The following SCAI variants were observed in gnomAD, a reference collection of about 807,000 sequenced individuals.
The protein encoded by SCAI is protein SCAI.
SCAI carries 24 observed loss-of-function variants against 92.2 expected under a neutral mutation model. The observed-to-expected ratio is 0.26, with a 90% CI of 0.19 to 0.37. SCAI has a LOEUF of 0.37. SCAI is among the 10% of genes least tolerant of loss of function. SCAI has a pLI of 1.00. For synonymous variants in SCAI, 261 were observed against 258.6 expected, an observed-to-expected ratio of 1.01 and a Z score of -0.09; for missense variants, 450 against 736.2, an observed-to-expected ratio of 0.61 and a Z score of 4.50.
intron 2 of SCAI, among the ~76,000 whole-genome samples, chr9:125,092,582 T>C (rs187043079): frequency 1.3e-3 from 193 of 152,338 alleles, no homozygotes; most frequent in African/African-American, 4.5e-3. Context: ...TTATCTTGAT[T>C]GAACTATGTT....
At chr9:125,075,163 T>C (rs1588200374) in intron 2 of SCAI, among the ~76,000 whole-genome samples, 3 of 152,266 alleles carry the variant, frequency 2.0e-5, no homozygotes, top group Admixed American at 2.0e-4. Context: ...GAGACGGATG[T>C]AAGGAAGCAT....
chr9:125,028,491 G>A lies in SCAI; in HGVS notation c.327-13C>T, dbSNP rs779731512. On this transcript the variant is annotated splice_polypyrimidine_tract_variant and intron_variant, in intron 4 of 17. Coordinates refer to ENST00000336505, the MANE Select transcript of SCAI (RefSeq NM_001144877.3). ...ATCCAAGACTTGTCTGTTTTATATA[G>A]GATACAAGAAAATAGAAATGAGTCT... The A allele has an allele frequency of 4.8e-6, 7 of 1,456,466 alleles. No homozygotes were observed. The East Asian group carries it at 1.3e-4, about 26-fold the overall frequency. 90.2% of individuals were successfully genotyped at this position (1,456,466 alleles called of 1,614,324 possible).
At chr9:125,074,421 T>A (rs562344150) in intron 2 of SCAI, among the ~76,000 whole-genome samples, 1 of 150,834 alleles carries the variant, frequency 6.6e-6, no homozygotes, top group African/African-American at 2.4e-5. Context: ...CATGCCTGGC[T>A]AATTATTGTA....
chr9:124,950,015 A>G lies in SCAI; in HGVS notation c.*2792T>C, dbSNP rs1424648020. 6.6e-6 allele frequency: 1 copy of G among 152,190 alleles called. No individual in the cohort carries two copies. Among genetic ancestry groups the G allele is most frequent in the Non-Finnish European group, 1.5e-5 (1 of 68,040 alleles). 9.4% of individuals were successfully genotyped at this position (152,190 alleles called of 1,614,324 possible). ...TTAAGGGGCAACATCATAAGGGTCA[A>G]TGTTGTGATTTCTAAGACCCTCATT... On this transcript the variant is annotated 3_prime_UTR_variant, in exon 18 of 18. Coordinates refer to ENST00000336505, the MANE Select transcript of SCAI (RefSeq NM_001144877.3).
chr9:124,958,994 G>GAGA (rs1831378082), intron 17 of SCAI, among the ~76,000 whole-genome samples: 1 of 150,974 alleles, frequency 6.6e-6, no homozygotes, highest in African/African-American at 2.4e-5. Context: ...ACACAAATCA[G>GAGA]AGAAGAAAAA....
chr9:124,982,731 C>G (rs931034101), intron 14 of SCAI, among the ~76,000 whole-genome samples: 5 of 151,216 alleles, frequency 3.3e-5, no homozygotes, highest in African/African-American at 4.9e-5. Context: ...GGGCTAGAAG[C>G]CTTTCTTGGG....
intron 14 of SCAI, among the ~76,000 whole-genome samples, chr9:124,992,386 CT>C (rs200478699): frequency 8.5e-4 from 123 of 144,196 alleles, no homozygotes; most frequent in Admixed American, 8.4e-4. Flanking sequence ...CTTTTCATTT[CT>C]TTTTTTTTTT....
chr9:125,062,712 A>AAAAC (rs200438090), intron 2 of SCAI, among the ~76,000 whole-genome samples: 6 of 150,668 alleles, frequency 4.0e-5, no homozygotes, highest in African/African-American at 1.5e-4. Flanking sequence ...CCAAAATTGC[A>AAAAC]AAACAAACAA....
At chr9:125,046,572 G>A (rs1196018289) in intron 3 of SCAI, among the ~76,000 whole-genome samples, 1 of 150,526 alleles carries the variant, frequency 6.6e-6, no homozygotes, top group African/African-American at 2.4e-5. Context: ...GGAGGGGCGT[G>A]AGGAACAAGA....
intron 3 of SCAI, among the ~76,000 whole-genome samples, chr9:125,045,890 C>T (rs1034589750): frequency 6.6e-6 from 1 of 151,888 alleles, no homozygotes; most frequent in Non-Finnish European, 1.5e-5. Context: ...TATACCCCTC[C>T]TGAAGAATCT....
chr9:125,043,277 G>A (rs561255344), intron 3 of SCAI, among the ~76,000 whole-genome samples: 47 of 152,246 alleles, frequency 3.1e-4, no homozygotes, highest in East Asian at 1.2e-3. Context: ...CACACTGTCC[G>A]ACTCACATAT....
intron 14 of SCAI, among the ~76,000 whole-genome samples, chr9:124,993,014 A>G (rs1832166360): frequency 6.6e-6 from 1 of 152,244 alleles, no homozygotes; most frequent in Non-Finnish European, 1.5e-5. Context: ...AATTGGGAGA[A>G]ACTAATGGAT....
intron 2 of SCAI, among the ~76,000 whole-genome samples, chr9:125,104,206 A>G (rs1834730869): frequency 6.6e-6 from 1 of 152,226 alleles, no homozygotes; most frequent in Non-Finnish European, 1.5e-5. Context: ...AGTCCAAATT[A>G]CAACAGAGCT....
At chr9:124,964,714 A>G (rs1831505790) in intron 17 of SCAI, among the ~76,000 whole-genome samples, 1 of 151,964 alleles carries the variant, frequency 6.6e-6, no homozygotes, top group African/African-American at 2.4e-5. Flanking sequence ...CCAAATATCA[A>G]AAAAACTTTA....
At chr9:125,075,813 C>T (rs1834079195) in intron 2 of SCAI, among the ~76,000 whole-genome samples, 1 of 152,156 alleles carries the variant, frequency 6.6e-6, no homozygotes, top group African/African-American at 2.4e-5. Flanking sequence ...TTTCCAACCG[C>T]CTCGGCCTCC....
chr9:124,988,976 A>T (rs1398024299), intron 14 of SCAI, among the ~76,000 whole-genome samples: 1 of 151,944 alleles, frequency 6.6e-6, no homozygotes, highest in East Asian at 1.9e-4. Context: ...CATCTCTACT[A>T]AAAAAATACA....
In SCAI at chr9:124,995,028, C is replaced by A. The variant is rs1489960477; in HGVS notation, c.1245-13G>T. The A allele has an allele frequency of 6.3e-7, 1 of 1,590,166 alleles. No homozygotes were observed. Among genetic ancestry groups the A allele is most frequent in the Admixed American group, 1.7e-5 (1 of 58,776 alleles). ...CCCGGGATGAAGGCTGGGAAAACAA[C>A]AACGAAGAACTGTTAAACTGTGTCA... On this transcript the variant is annotated splice_polypyrimidine_tract_variant and intron_variant, in intron 13 of 17. Transcript: ENST00000336505.
At chr9:124,953,273 CAT>C (rs112697403) in intron 17 of SCAI, among the ~76,000 whole-genome samples, 36 of 152,252 alleles carry the variant, frequency 2.4e-4, no homozygotes, top group African/African-American at 7.9e-4. Context: ...AATCCTAACA[CAT>C]ATAGAATTTC....
At chr9:124,989,753 C>T (rs546367670) in intron 14 of SCAI, among the ~76,000 whole-genome samples, 57 of 146,144 alleles carry the variant, frequency 3.9e-4, no homozygotes, top group African/African-American at 1.3e-3. Context: ...TATGGTGGCG[C>T]GTGCCTGTAA....
Sources: gnomAD v4.1 joint callset for allele counts (sites outside exome capture counted in the v4.1 genomes callset) on GRCh38, gnomAD v4.1.1 for gene constraint, MANE v1.5 for transcripts, NCBI Gene and HGNC (gene_info 2026-07-23, HGNC 2026-07-21) for gene names.